PTPRG: variants seen among roughly 807,000 people sequenced by gnomAD.
PTPRG encodes the protein receptor-type tyrosine-protein phosphatase gamma.
PTPRG carries 102 observed loss-of-function variants against 165.3 expected under a neutral mutation model. That is an observed-to-expected ratio of 0.62 (90% CI 0.53 to 0.73). The LOEUF (loss-of-function observed/expected upper bound fraction) is 0.73, where lower values mean the gene tolerates loss of function less well. Among genes scored for constraint, PTPRG ranks in the 30% least tolerant of loss-of-function variants. The pLI, the probability that PTPRG is intolerant of heterozygous loss-of-function variation, is 0.00. For synonymous variants in PTPRG, 675 were observed against 669.5 expected (o/e 1.01, Z -0.13); for missense variants, 1,866 against 1,861.4 (o/e 1.00, Z -0.05).
chr3:62,047,572 A>G (rs1030429974), intron 4 of PTPRG, among the ~76,000 whole-genome samples: 2 of 152,018 alleles, frequency 1.3e-5, no homozygotes, highest in African/African-American at 2.4e-5. Context: ...CCAGCTTCCT[A>G]TTATTTAAAT....
chr3:61,871,687 T>G (rs1375395544), intron 2 of PTPRG, among the ~76,000 whole-genome samples: 3 of 152,186 alleles, frequency 2.0e-5, no homozygotes, highest in Non-Finnish European at 4.4e-5. Context: ...TAGTTTTATA[T>G]TTTAGAACTC....
intron 1 of PTPRG, among the ~76,000 whole-genome samples, chr3:61,730,598 T>A (rs926316744): frequency 1.3e-5 from 2 of 152,168 alleles, no homozygotes; most frequent in Non-Finnish European, 2.9e-5. Context: ...GGAATCATGA[T>A]CTGAGGGGTG....
At chr3:61,614,770 A>C (rs531104250) in intron 1 of PTPRG, among the ~76,000 whole-genome samples, 13 of 152,334 alleles carry the variant, frequency 8.5e-5, no homozygotes, top group Admixed American at 8.5e-4. Context: ...AATGAATTAA[A>C]ATATAGAAGG....
At chr3:61,852,383 T>G (rs1473105635) in intron 2 of PTPRG, among the ~76,000 whole-genome samples, 1 of 152,216 alleles carries the variant, frequency 6.6e-6, no homozygotes, top group East Asian at 1.9e-4. Flanking sequence ...ACAGTGATTA[T>G]AAGGTGGGTC....
In PTPRG at chr3:61,676,701, T is replaced by G. The variant is rs917599221; in HGVS notation, c.86-72177T>G. ...ATGGATAGTTAATGCATGGTGTGTA[T>G]CTCTCTGTTGTTTATTTACCATAAG... On this transcript the variant is annotated intron_variant, in intron 1 of 29. Transcript: ENST00000474889. 2.0e-5 allele frequency among the ~76,000 whole-genome samples: 3 copies of G among 152,004 alleles called. No homozygotes were observed. The East Asian group carries it at 5.8e-4, about 29-fold the overall frequency.
chr3:62,010,814 A>G (rs1298606072), intron 4 of PTPRG, among the ~76,000 whole-genome samples: 6 of 152,062 alleles, frequency 3.9e-5, no homozygotes, highest in African/African-American at 7.3e-5. Context: ...CATTTCCAGT[A>G]TAACAGTTTT....
intron 1 of PTPRG, among the ~76,000 whole-genome samples, chr3:61,636,608 C>T (rs1415681655): frequency 2.0e-5 from 3 of 152,236 alleles, no homozygotes; most frequent in African/African-American, 7.2e-5. Flanking sequence ...AGGCGTGAGC[C>T]ACCACGCCCA....
At chr3:62,178,219 A>G (rs1322208549) in intron 8 of PTPRG, among the ~76,000 whole-genome samples, 2 of 152,012 alleles carry the variant, frequency 1.3e-5, no homozygotes, top group South Asian at 2.1e-4. Context: ...GGGAGGATGG[A>G]TGGATGCATG....
At chr3:61,592,297 A>T (rs1376787475) in intron 1 of PTPRG, among the ~76,000 whole-genome samples, 1 of 152,112 alleles carries the variant, frequency 6.6e-6, no homozygotes, top group Non-Finnish European at 1.5e-5. Flanking sequence ...TCTCTGCTGT[A>T]TGTCAGTTCC....
intron 2 of PTPRG, among the ~76,000 whole-genome samples, chr3:61,761,852 C>T (rs1395766851): frequency 6.6e-6 from 1 of 152,148 alleles, no homozygotes; most frequent in Non-Finnish European, 1.5e-5. Context: ...AGTAGCTCTG[C>T]CCCAATTATT....
intron 1 of PTPRG, among the ~76,000 whole-genome samples, chr3:61,687,091 G>A (rs577843647): frequency 1.3e-5 from 2 of 152,334 alleles, no homozygotes; most frequent in East Asian, 1.9e-4. Flanking sequence ...ATCAGGTAGA[G>A]CTTACCAGTT....
chr3:62,249,908 T>C (rs1404342259), intron 15 of PTPRG, among the ~76,000 whole-genome samples: 1 of 152,178 alleles, frequency 6.6e-6, no homozygotes, highest in Non-Finnish European at 1.5e-5. Context: ...CCCTATTACT[T>C]GATAATGACA....
chr3:62,224,502 C>T lies in PTPRG; in HGVS notation c.2288+5519C>T, dbSNP rs1700718248. Among the ~76,000 whole-genome samples, 1 of 152,252 alleles carries T rather than the reference C, an allele frequency of 6.6e-6. No homozygotes were observed. Among genetic ancestry groups the T allele is most frequent in the South Asian group, 2.1e-4 (1 of 4,832 alleles). Reference sequence around the variant, plus strand: ...TCACCACTGGCCACAGATGGTCACACAGCCCCAAGGACACAGATGAGGTAG... The same window carrying T: ...TCACCACTGGCCACAGATGGTCACATAGCCCCAAGGACACAGATGAGGTAG... On this transcript the variant is annotated intron_variant, in intron 13 of 29. Transcript: ENST00000474889. This position sits in a 1 kb window ranked among gnomAD's most constrained non-coding sequence, Gnocchi z 4.9.
chr3:62,072,615 ATGTGTGTG>A lies in PTPRG; in HGVS notation c.520-5524_520-5517del, dbSNP rs746425268. Among the ~76,000 whole-genome samples, 407 of 134,662 alleles carry A rather than the reference ATGTGTGTG, an allele frequency of 3.0e-3. 1 individual carries two copies. The highest frequency in any genetic ancestry group is 0.011 in the African/African-American group (374 of 33,066). 88.3% of individuals were successfully genotyped at this position (134,662 alleles called of 152,430 possible). A position where few individuals can be genotyped will look rare whatever the true frequency, so the allele number is the denominator to read the frequency against. ...TCTGTGCTTGAGAATATATATGTGT[ATGTGTGTG>A]TGTGTGTGTGTGTGTGTGTGTGTTT... On this transcript the variant is annotated intron_variant, in intron 4 of 29. Transcript: ENST00000474889.
Position 61,709,507 on chromosome 3 carries a change from G to A in PTPRG, c.86-39371G>A, listed in dbSNP as rs565805171. Among the ~76,000 whole-genome samples the A allele has an allele frequency of 3.0e-4, 46 of 152,118 alleles. 1 individual carries two copies. The South Asian group carries it at 8.3e-3, about 27-fold the overall frequency. Reference sequence around the variant, plus strand: ...TTTTTGTATTTTTAGTAGAGAGGGCGTTTTGCCATGTTGGCCAGGCTGGTC... The same window carrying A: ...TTTTTGTATTTTTAGTAGAGAGGGCATTTTGCCATGTTGGCCAGGCTGGTC... On this transcript the variant is annotated intron_variant, in intron 1 of 29. Coordinates refer to ENST00000474889, the MANE Select transcript of PTPRG (RefSeq NM_002841.4).
intron 4 of PTPRG, among the ~76,000 whole-genome samples, chr3:62,050,174 G>C (rs186991774): frequency 6.6e-6 from 1 of 152,288 alleles, no homozygotes; most frequent in East Asian, 1.9e-4. Flanking sequence ...GAGAATAATA[G>C]AAATACAGTT....
intron 29 of PTPRG, 84 bp downstream of exon 29, chr3:62,292,640 G>A: frequency 6.7e-7 from 1 of 1,499,250 alleles, no homozygotes; most frequent in Admixed American, 2.0e-5. Context: ...TCTCAATTGG[G>A]GGTGATTTTG....
chr3:62,196,083 C>T (rs1429909480), intron 10 of PTPRG, among the ~76,000 whole-genome samples: 2 of 152,002 alleles, frequency 1.3e-5, no homozygotes, highest in African/African-American at 2.4e-5. Flanking sequence ...CCACCACGCC[C>T]GGCAATGGGA....
chr3:61,878,923 G>A (rs1451278432), intron 2 of PTPRG, among the ~76,000 whole-genome samples: 1 of 152,114 alleles, frequency 6.6e-6, no homozygotes. Flanking sequence ...CTAGTAAGGC[G>A]TCTTATTTTA....
Sources: gnomAD v4.1 joint callset for allele counts (sites outside exome capture counted in the v4.1 genomes callset) on GRCh38, gnomAD v4.1.1 for gene constraint, Gnocchi (gnomAD v3.1) non-coding constraint, MANE v1.5 for transcripts, NCBI Gene and HGNC (gene_info 2026-07-23, HGNC 2026-07-21) for gene names.